HIF1AN: variants seen among roughly 807,000 people sequenced by gnomAD.
HIF1AN encodes hypoxia inducible factor 1 subunit alpha inhibitor.
A neutral mutation model predicts 47.7 loss-of-function variants in HIF1AN; 21 were observed. That is an observed-to-expected ratio of 0.44 (90% confidence interval 0.31 to 0.63). The LOEUF (loss-of-function observed/expected upper bound fraction) is 0.63. Among genes scored for constraint, HIF1AN ranks in the 30% least tolerant of loss-of-function variants. The pLI, the probability that HIF1AN is intolerant of heterozygous loss-of-function variation, is 0.07. For synonymous variants in HIF1AN, 152 were observed against 155.9 expected (o/e 0.98, Z 0.18); for missense variants, 320 against 432.7 (o/e 0.74, Z 2.31).
intron 6 of HIF1AN, 34 bp downstream of exon 6, chr10:100,546,615 A>G: frequency 3.3e-6 from 5 of 1,532,076 alleles, no homozygotes; most frequent in Non-Finnish European, 4.5e-6. Context: ...TTTTTTCCAG[A>G]TGGAACTGGC....
At position 100,552,514 on chromosome 10, in the gene HIF1AN, G is replaced by C. The variant is rs1843173055; in HGVS notation, c.*4377G>C. Reference sequence around the variant, plus strand: ...TCCCCTTTGAGACCTTCAGCTGCTTGTCTTCCACTGCCTGCATACTTCTCT... The same window carrying C: ...TCCCCTTTGAGACCTTCAGCTGCTTCTCTTCCACTGCCTGCATACTTCTCT... On this transcript the variant is annotated 3_prime_UTR_variant, in exon 8 of 8. Coordinates refer to ENST00000299163, the MANE Select transcript of HIF1AN (RefSeq NM_017902.3). 1 of 152,508 alleles carries C rather than the reference G, an allele frequency of 6.6e-6. No homozygotes were observed. Among genetic ancestry groups the C allele is most frequent in the African/African-American group, 2.4e-5 (1 of 41,444 alleles). The allele number at this position is 152,508 out of a possible 1,614,324, so 9.4% of individuals were successfully genotyped here. A position where few individuals can be genotyped will look rare whatever the true frequency, so the allele number is the denominator to read the frequency against.
chr10:100,545,209 T>A, intron 4 of HIF1AN, 113 bp downstream of exon 4: 1 of 1,190,996 alleles, frequency 8.4e-7, no homozygotes, highest in Non-Finnish European at 1.2e-6. Context: ...TACAGGCTGT[T>A]CTTGCCTTAA....
rs1338196945 is a variant in HIF1AN at position 100,552,166 on chromosome 10, G to A, written c.*4029G>A. On this transcript the variant is annotated 3_prime_UTR_variant, in exon 8 of 8. Transcript: ENST00000299163. ...TTCTGCTGTCCTTTCAAACTTCAAGGACAGTATTAATTTATACTAGTATTT... is the reference window on the plus strand; with the variant it reads ...TTCTGCTGTCCTTTCAAACTTCAAGAACAGTATTAATTTATACTAGTATTT... 1 of 152,224 alleles carries A rather than the reference G, an allele frequency of 6.6e-6. No homozygotes were observed. The highest frequency in any genetic ancestry group is 1.5e-5 in the Non-Finnish European group (1 of 68,050). 9.4% of individuals were successfully genotyped at this position (152,224 alleles called of 1,614,324 possible). A position where few individuals can be genotyped will look rare whatever the true frequency, so the allele number is the denominator to read the frequency against.
intron 3 of HIF1AN, among the ~76,000 whole-genome samples, chr10:100,541,660 C>T (rs7100386): frequency 0.2 from 30,807 of 151,976 alleles, 3,242 homozygotes; most frequent in South Asian, 0.23. Flanking sequence ...CCACCATACC[C>T]GGCTTATGTC....
At chr10:100,538,818 CAA>C (rs537239935) in intron 2 of HIF1AN, among the ~76,000 whole-genome samples, 9 of 68,348 alleles carry the variant, frequency 1.3e-4, no homozygotes, top group Admixed American at 1.7e-4. Flanking sequence ...GACTCCGTCT[CAA>C]AAAAAAAAAA....
rs1198118148 is a variant in HIF1AN, at chr10:100,550,017, C to A, written c.*1880C>A. ...TGCTGGGAAATGTGATTGCAGTGAT[C>A]TCTATCTCTCCACTTCTTTTGGGAA... On this transcript the variant is annotated 3_prime_UTR_variant, in exon 8 of 8. Transcript: ENST00000299163. 1 of 152,202 alleles carries A rather than the reference C, an allele frequency of 6.6e-6. No individual in the cohort carries two copies. Among genetic ancestry groups the A allele is most frequent in the East Asian group, 1.9e-4 (1 of 5,204 alleles). 9.4% of individuals were successfully genotyped at this position (152,202 alleles called of 1,614,324 possible). A position where few individuals can be genotyped will look rare whatever the true frequency, so the allele number is the denominator to read the frequency against.
chr10:100,537,769 G>A (rs954057032), intron 2 of HIF1AN, among the ~76,000 whole-genome samples: 1 of 152,146 alleles, frequency 6.6e-6, no homozygotes, highest in African/African-American at 2.4e-5. Flanking sequence ...ACTCACTCCT[G>A]TTCCTGACTC....
chr10:100,540,641 C>T lies in HIF1AN; in HGVS notation c.436C>T (p.Leu146=). 1 of 1,613,658 alleles carries T rather than the reference C, an allele frequency of 6.2e-7. No homozygotes were observed. The highest frequency in any genetic ancestry group is 8.5e-7 in the Non-Finnish European group (1 of 1,179,880). The stretch of plus-strand genomic sequence containing the variant: ...TCTTCTTGGGGAACATAGGTTGTAT[C>T]TGCAGCAAACGCTCAATGACACTGT... ...QQRGGEERLY[L]QQTLNDTVGR... Residue 146 remains leucine, a synonymous_variant, in exon 3 of 8, where the codon CTG becomes TTG. Transcript: ENST00000299163.
Position 100,559,723 on chromosome 10 carries a change from T to C in HIF1AN, c.*11586T>C, listed in dbSNP as rs1843242227. 6.6e-6 allele frequency: 1 copy of C among 152,214 alleles called. No homozygotes were observed. Among genetic ancestry groups the C allele is most frequent in the African/African-American group, 2.4e-5 (1 of 41,462 alleles). The allele number at this position is 152,214 out of a possible 1,614,324, so 9.4% of individuals were successfully genotyped here. A position where few individuals can be genotyped will look rare whatever the true frequency, so the allele number is the denominator to read the frequency against. On this transcript the variant is annotated 3_prime_UTR_variant, in exon 8 of 8. Coordinates refer to ENST00000299163, the MANE Select transcript of HIF1AN (RefSeq NM_017902.3). Reference sequence around the variant, plus strand: ...AAGCCACTGTGCCTGGCCTTGAATATATTTTTTAACCAAAGTAATTTATGA... The same window carrying C: ...AAGCCACTGTGCCTGGCCTTGAATACATTTTTTAACCAAAGTAATTTATGA...
intron 3 of HIF1AN, among the ~76,000 whole-genome samples, chr10:100,544,639 A>G (rs1024825492): frequency 6.6e-6 from 1 of 152,112 alleles, no homozygotes; most frequent in East Asian, 1.9e-4. Context: ...ACAGTTGATT[A>G]CCCTACCTGA....
intron 3 of HIF1AN, among the ~76,000 whole-genome samples, chr10:100,543,369 T>C (rs1334396602): frequency 3.3e-5 from 5 of 152,016 alleles, no homozygotes; most frequent in African/African-American, 9.7e-5. Context: ...TTTAAAGTAT[T>C]TTTCTGTAGA....
intron 2 of HIF1AN, 71 bp from the exon 3 acceptor site, chr10:100,540,563 C>T: frequency 6.4e-7 from 1 of 1,554,034 alleles, no homozygotes. Context: ...CTTGGATTTT[C>T]AGATGTGGAG....
Position 100,536,530 on chromosome 10 carries a change from G to A in HIF1AN, c.297G>A (p.Lys99=), listed in dbSNP as rs913713099. 2 of 1,614,158 alleles carry A rather than the reference G, an allele frequency of 1.2e-6. No individual in the cohort carries two copies. Among genetic ancestry groups the A allele is most frequent in the Non-Finnish European group, 1.7e-6 (2 of 1,180,034 alleles). ...CTGTGTACAGTGCCAGCACCCACAA[G>A]TTCTTGTACTATGATGAGAAGAAGA... ...DFSVYSASTH[K]FLYYDEKKMA... The change falls in exon 2 of 8, where the codon AAG becomes AAA. Residue 99 remains lysine (K), a synonymous_variant. Transcript: ENST00000299163.
At chr10:100,547,764 T>G (rs998688363) in intron 7 of HIF1AN, among the ~76,000 whole-genome samples, 11 of 152,204 alleles carry the variant, frequency 7.2e-5, no homozygotes, top group Non-Finnish European at 1.6e-4. Context: ...ATGGAGGCAG[T>G]TAACATTCTG....
chr10:100,553,208 G>C lies in HIF1AN; in HGVS notation c.*5071G>C, dbSNP rs1843182120. The C allele has an allele frequency of 6.6e-6, 1 of 152,202 alleles. No homozygotes were observed. Among genetic ancestry groups the C allele is most frequent in the Admixed American group, 6.5e-5 (1 of 15,272 alleles). The allele number at this position is 152,202 out of a possible 1,614,324, so 9.4% of individuals were successfully genotyped here. ...GGAGATACCAATATCCCCTTTGCAG[G>C]GTGGTGATGGGCATCAAACATGACG... is the stretch of plus-strand genomic sequence containing the variant. On this transcript the variant is annotated 3_prime_UTR_variant, in exon 8 of 8. Transcript: ENST00000299163.
rs397730143 is a variant in HIF1AN at position 100,542,846 on chromosome 10, GTTTTTTT to G, written c.577+2081_578-2082del. 7.6e-3 allele frequency among the ~76,000 whole-genome samples: 846 copies of G among 111,776 alleles called. 4 individuals are homozygous for G. Among genetic ancestry groups the G allele is most frequent in the Non-Finnish European group, 9.8e-3 (575 of 58,966 alleles). 73.3% of individuals were successfully genotyped at this position (111,776 alleles called of 152,430 possible). Reference sequence around the variant, plus strand: ...CATACACTAATAAATATGTGAATGTGTTTTTTTTTTTTTTTTTTTTTTTCTTTTGAAT... The same window carrying G: ...CATACACTAATAAATATGTGAATGTGTTTTTTTTTTTTTTTTCTTTTGAAT... On this transcript the variant is annotated intron_variant, in intron 3 of 7. Transcript: ENST00000299163.
chr10:100,550,139 C>T lies in HIF1AN; in HGVS notation c.*2002C>T, dbSNP rs796361796. ...TCCTCAGCAGGTCTGCTGTATTCCT[C>T]GCTCAGCGCTCAAAGATGTGGGTGA... On this transcript the variant is annotated 3_prime_UTR_variant, in exon 8 of 8. Coordinates refer to ENST00000299163, the MANE Select transcript of HIF1AN (RefSeq NM_017902.3). 27 of 152,314 alleles carry T rather than the reference C, an allele frequency of 1.8e-4. No homozygotes were observed. Among genetic ancestry groups the T allele is most frequent in the African/African-American group, 5.8e-4 (24 of 41,562 alleles). The allele number at this position is 152,314 out of a possible 1,614,324, so 9.4% of individuals were successfully genotyped here.
In HIF1AN at chr10:100,550,772, C is replaced by T. The variant is rs1400931264; in HGVS notation, c.*2635C>T. 3.9e-5 allele frequency: 6 copies of T among 152,128 alleles called. No homozygotes were observed. The highest frequency in any genetic ancestry group is 1.4e-4 in the African/African-American group (6 of 41,448). The allele number at this position is 152,128 out of a possible 1,614,324, so 9.4% of individuals were successfully genotyped here. On this transcript the variant is annotated 3_prime_UTR_variant, in exon 8 of 8. Transcript: ENST00000299163. ...TGTCCTTGAATAGGACCCATAACTCCTCCCGGCATGCTTTTGCATCTATAG... is the reference window on the plus strand; with the variant it reads ...TGTCCTTGAATAGGACCCATAACTCTTCCCGGCATGCTTTTGCATCTATAG...
rs769514019 is a variant in HIF1AN, at chr10:100,536,394, CTGT to C, written c.178-12_178-10del. The C allele has an allele frequency of 5.0e-6, 8 of 1,611,104 alleles. No homozygotes were observed. The highest frequency in any genetic ancestry group is 2.2e-5 in the East Asian group (1 of 44,804). ...CATTACTTCATTTGGTGTTTTTCACCTGTTGTTTTCATTTAGGAGCCTGTGGTG... is the reference window on the plus strand; with the variant it reads ...CATTACTTCATTTGGTGTTTTTCACCTGTTTTCATTTAGGAGCCTGTGGTG... On this transcript the variant is annotated splice_polypyrimidine_tract_variant and intron_variant, in intron 1 of 7. Coordinates refer to ENST00000299163, the MANE Select transcript of HIF1AN (RefSeq NM_017902.3).
Sources: gnomAD v4.1 joint callset for allele counts (sites outside exome capture counted in the v4.1 genomes callset) on GRCh38, gnomAD v4.1.1 for gene constraint, MANE v1.5 for transcripts, NCBI Gene and HGNC (gene_info 2026-07-23, HGNC 2026-07-21) for gene names.